The following BSDC1 variants were observed in gnomAD, a reference collection of about 807,000 sequenced individuals.
BSDC1 encodes BSD domain-containing protein 1.
A neutral mutation model predicts 56.0 loss-of-function variants in BSDC1; 29 were observed. The ratio of observed to expected loss-of-function variants is 0.52; its 90% confidence interval spans 0.39 to 0.71. The LOEUF is 0.71. Among genes scored for constraint, BSDC1 ranks in the 30% least tolerant of loss-of-function variants. BSDC1 has a pLI of 0.00. For missense variants in BSDC1, 477 were observed against 548.5 expected (o/e 0.87, Z 1.30); for synonymous variants, 210 against 215.3 (o/e 0.98, Z 0.21).
chr1:32,383,838 C>G lies in BSDC1; in HGVS notation c.349G>C (p.Gly117Arg). 1 of 1,612,160 alleles carries G rather than the reference C, an allele frequency of 6.2e-7. No individual in the cohort carries two copies. The highest frequency in any genetic ancestry group is 8.5e-7 in the Non-Finnish European group (1 of 1,180,000). ...AGACTGTCAGTGAATACCTTGGTGCCATCATAGGGCTCAGCTGTGCCAGAC... is the reference window on the plus strand; with the variant it reads ...AGACTGTCAGTGAATACCTTGGTGCGATCATAGGGCTCAGCTGTGCCAGAC... ...TPSGTAEPYDGTKARLYSLQS... is the reference protein window; with the variant it reads ...TPSGTAEPYDRTKARLYSLQS... Residue 117 changes from glycine to arginine, a missense_variant, in exon 4 of 11, where the codon GGC (glycine) becomes CGC (arginine). Coordinates refer to ENST00000455895, the MANE Select transcript of BSDC1 (RefSeq NM_018045.8).
At chr1:32,376,878 CCCA>C (rs1480489763) in intron 8 of BSDC1, 137 bp from the exon 9 acceptor site, 3 of 1,042,650 alleles carry the variant, frequency 2.9e-6, no homozygotes, top group African/African-American at 1.6e-5. Flanking sequence ...CACCTGTAAT[CCCA>C]CCACTTTGGG....
At chr1:32,377,097 C>G (rs979427334) in intron 8 of BSDC1, among the ~76,000 whole-genome samples, 1 of 152,062 alleles carries the variant, frequency 6.6e-6, no homozygotes, top group African/African-American at 2.4e-5. Flanking sequence ...GATTGCGCCA[C>G]TGCACTCCAG....
intron 4 of BSDC1, 116 bp from the exon 5 acceptor site, chr1:32,381,384 G>T (rs929020626): frequency 2.0e-6 from 2 of 1,020,424 alleles, no homozygotes; most frequent in Admixed American, 2.0e-5. Context: ...TGTTGGCTGG[G>T]ATACCCCCAG....
chr1:32,367,909 A>ACTTGCC (rs1475987406), intron 10 of BSDC1: 5 of 1,018,710 alleles, frequency 4.9e-6, no homozygotes, highest in Non-Finnish European at 5.9e-6. Context: ...AGGTTAAGTA[A>ACTTGCC]CTTGCCCTTG....
At chr1:32,394,260 C>T (rs773595023) in intron 1 of BSDC1, 120 bp from the exon 2 acceptor site, 49 of 1,553,148 alleles carry the variant, frequency 3.2e-5, no homozygotes, top group Non-Finnish European at 4.2e-5. Context: ...GCTTGCCCAC[C>T]CCCTCACAAT....
At chr1:32,392,667 C>G (rs944259300) in intron 2 of BSDC1, among the ~76,000 whole-genome samples, 3 of 152,230 alleles carry the variant, frequency 2.0e-5, no homozygotes, top group African/African-American at 7.2e-5. Context: ...GTGCAAGCCT[C>G]TCAGTCCTCA....
At chr1:32,384,228 T>C (rs1027400197) in intron 3 of BSDC1, among the ~76,000 whole-genome samples, 2 of 138,988 alleles carry the variant, frequency 1.4e-5, no homozygotes, top group Admixed American at 7.1e-5. Flanking sequence ...TCAGAGATCT[T>C]TGATTGGCTG....
intron 5 of BSDC1, among the ~76,000 whole-genome samples, chr1:32,380,827 G>A (rs1011553963): frequency 2.6e-5 from 4 of 152,148 alleles, no homozygotes; most frequent in African/African-American, 4.8e-5. Flanking sequence ...CCTCTTAACT[G>A]CCAGTTCCTG....
chr1:32,387,322 A>G (rs898641533), intron 2 of BSDC1, among the ~76,000 whole-genome samples: 23 of 152,036 alleles, frequency 1.5e-4, no homozygotes, highest in African/African-American at 5.3e-4. Context: ...TTCAAATAAC[A>G]TGAAAAAAAG....
At chr1:32,376,022 C>A (rs1285666896) in intron 9 of BSDC1, among the ~76,000 whole-genome samples, 1 of 152,128 alleles carries the variant, frequency 6.6e-6, no homozygotes, top group Non-Finnish European at 1.5e-5. Flanking sequence ...GATCTGGCAT[C>A]AAACTTGTTT....
intron 2 of BSDC1, among the ~76,000 whole-genome samples, chr1:32,391,114 G>GT (rs911814826): frequency 1.3e-5 from 2 of 152,040 alleles, no homozygotes; most frequent in Non-Finnish European, 2.9e-5. Context: ...GTCTGGAGAA[G>GT]TATGTGGAGA....
In BSDC1 at chr1:32,366,576, G is replaced by A; in HGVS notation, c.*46C>T. The stretch of plus-strand genomic sequence containing the variant: ...CAGGGCTGGGCTGAGACGAGCGAGG[G>A]AGGCGAGAGATGCCATGGGTGGGGG... On this transcript the variant is annotated 3_prime_UTR_variant, in exon 11 of 11. Transcript: ENST00000455895. 6.8e-7 allele frequency: 1 copy of A among 1,474,458 alleles called. No individual in the cohort carries two copies. The highest frequency in any genetic ancestry group is 9.3e-7 in the Non-Finnish European group (1 of 1,079,318). 91.3% of individuals were successfully genotyped at this position (1,474,458 alleles called of 1,614,324 possible).
rs1641806879 is a variant in BSDC1, at chr1:32,365,314, G to A, written c.*1308C>T. On this transcript the variant is annotated 3_prime_UTR_variant, in exon 11 of 11. Coordinates refer to ENST00000455895, the MANE Select transcript of BSDC1 (RefSeq NM_018045.8). Reference sequence around the variant, plus strand: ...TATAATATTGCACAAACAACCAAAAGGTTAATTAAACTAAAGAAATAATTA... The same window carrying A: ...TATAATATTGCACAAACAACCAAAAAGTTAATTAAACTAAAGAAATAATTA... 6.6e-6 allele frequency: 1 copy of A among 151,490 alleles called. No individual in the cohort carries two copies. The highest frequency in any genetic ancestry group is 2.1e-4 in the South Asian group (1 of 4,798). 9.4% of individuals were successfully genotyped at this position (151,490 alleles called of 1,614,324 possible).
chr1:32,393,736 T>C (rs1642947540), intron 2 of BSDC1: 2 of 314,074 alleles, frequency 6.4e-6, no homozygotes, highest in African/African-American at 4.3e-5. Context: ...GTAAGTTTTT[T>C]TACTGCTAGA....
chr1:32,380,002 A>C (rs925909250), intron 5 of BSDC1, among the ~76,000 whole-genome samples: 2 of 152,248 alleles, frequency 1.3e-5, no homozygotes, highest in Non-Finnish European at 2.9e-5. Flanking sequence ...CTGGAGTCCA[A>C]GATGGGCTTC....
rs1265121749 is a variant in BSDC1 at position 32,366,629 on chromosome 1, C to T, written c.1286G>A (p.Trp429Ter). The T allele has an allele frequency of 1.3e-6, 2 of 1,490,650 alleles. No individual in the cohort carries two copies. The highest frequency in any genetic ancestry group is 2.7e-5 in the South Asian group (2 of 74,140). 92.3% of individuals were successfully genotyped at this position (1,490,650 alleles called of 1,614,324 possible). The change falls in exon 11 of 11, where the codon TGG becomes TAG. Residue 429 changes from tryptophan to a stop codon, truncating the protein, a stop_gained. Transcript: ENST00000455895. LOFTEE classifies it high-confidence loss of function. ...CTGCTCCCTCTGGCTCCCTCACTCC[C>T]AGTCCTCCCACTCTACATCTTCCAG... ...GELEDVEWED[W>*]E
chr1:32,366,944 T>C (rs1641876285), intron 10 of BSDC1: 1 of 1,171,284 alleles, frequency 8.5e-7, no homozygotes, highest in African/African-American at 1.6e-5. Flanking sequence ...AGGAACCAAG[T>C]CAGCCTCAGT....
chr1:32,378,919 G>T lies in BSDC1; in HGVS notation c.413-80C>A. On this transcript the variant is annotated intron_variant, in intron 5 of 10. Coordinates refer to ENST00000455895, the MANE Select transcript of BSDC1 (RefSeq NM_018045.8). This position sits in a 1 kb window ranked among gnomAD's most constrained non-coding sequence, Gnocchi z 5.2. ...GGGCTTACAGAACATATCTAAGGCT[G>T]GACATGGAAAATGAAGAAAGCTTGT... 1 of 975,030 alleles carries T rather than the reference G, an allele frequency of 1.0e-6. No homozygotes were observed. Among genetic ancestry groups the T allele is most frequent in the Non-Finnish European group, 1.4e-6 (1 of 706,960 alleles). The allele number at this position is 975,030 out of a possible 1,614,324, so 60.4% of individuals were successfully genotyped here. A position where few individuals can be genotyped will look rare whatever the true frequency, so the allele number is the denominator to read the frequency against.
rs146729149 is a variant in BSDC1, at chr1:32,386,631, G to A, written c.189+148C>T. 518 of 521,012 alleles carry A rather than the reference G, an allele frequency of 9.9e-4. 1 individual carries two copies. Among genetic ancestry groups the A allele is most frequent in the African/African-American group, 9.4e-3 (480 of 51,118 alleles). 32.3% of individuals were successfully genotyped at this position (521,012 alleles called of 1,614,324 possible). ...AAATATGCAGCTTGTTTGGTTGCCAGACACAATTCTTTCAAAATGGGAGGA... is the reference window on the plus strand; with the variant it reads ...AAATATGCAGCTTGTTTGGTTGCCAAACACAATTCTTTCAAAATGGGAGGA... On this transcript the variant is annotated intron_variant, in intron 3 of 10. Transcript: ENST00000455895.
Sources: gnomAD v4.1 joint callset for allele counts (sites outside exome capture counted in the v4.1 genomes callset) on GRCh38, gnomAD v4.1.1 for gene constraint, Gnocchi (gnomAD v3.1) non-coding constraint, MANE v1.5 for transcripts, NCBI Gene and HGNC (gene_info 2026-07-23, HGNC 2026-07-21) for gene names.